PTPRT: variants seen among roughly 807,000 people sequenced by gnomAD.
PTPRT encodes the protein receptor-type tyrosine-protein phosphatase T.
Under a neutral mutation model 176.8 loss-of-function variants are expected in PTPRT, and 56 were observed. That is an observed-to-expected ratio of 0.32 (90% CI 0.26 to 0.40). PTPRT has a LOEUF of 0.40. PTPRT is among the 10% of genes least tolerant of loss of function. The pLI, the probability that PTPRT is intolerant of heterozygous loss-of-function variation, is 1.00. For missense variants in PTPRT, 1,540 were observed against 1,908.2 expected, an observed-to-expected ratio of 0.81 and a Z score of 3.60; for synonymous variants, 783 against 739.0, an observed-to-expected ratio of 1.06 and a Z score of -0.96.
chr20:42,351,602 T>A (rs1307112158), intron 10 of PTPRT, among the ~76,000 whole-genome samples: 1 of 152,240 alleles, frequency 6.6e-6, no homozygotes, highest in Non-Finnish European at 1.5e-5. Flanking sequence ...GAAATAATTC[T>A]GCATTGTTGC....
At chr20:42,857,658 T>G (rs1568639302) in intron 2 of PTPRT, among the ~76,000 whole-genome samples, 3 of 152,178 alleles carry the variant, frequency 2.0e-5, no homozygotes, top group African/African-American at 7.2e-5. Context: ...CTGTGTCTCC[T>G]CTCAGCTGGG....
chr20:42,841,031 T>C (rs1266125867), intron 2 of PTPRT, among the ~76,000 whole-genome samples: 1 of 152,182 alleles, frequency 6.6e-6, no homozygotes, highest in Non-Finnish European at 1.5e-5. Flanking sequence ...GCAAGGCTAC[T>C]GACAGCCTGC....
At chr20:42,978,365 A>G (rs1983078324) in intron 1 of PTPRT, among the ~76,000 whole-genome samples, 2 of 152,252 alleles carry the variant, frequency 1.3e-5, no homozygotes, top group Admixed American at 6.5e-5. Flanking sequence ...CTGAAACCAC[A>G]GAAAGCAAAA....
intron 6 of PTPRT, among the ~76,000 whole-genome samples, chr20:42,693,859 C>A (rs952043483): frequency 3.3e-5 from 5 of 152,070 alleles, no homozygotes; most frequent in African/African-American, 1.2e-4. Context: ...TTTAGAACCA[C>A]AACCACCTCC....
chr20:42,806,801 C>T (rs1265029846), intron 2 of PTPRT, among the ~76,000 whole-genome samples: 1 of 152,196 alleles, frequency 6.6e-6, no homozygotes, highest in East Asian at 1.9e-4. Flanking sequence ...TAGTACCAGG[C>T]AAATACTAAA....
rs1555828981 is a variant in PTPRT, at chr20:43,083,347, T to TATATATATACAC, written c.88+106298_88+106299insGTGTATATATAT. Reference sequence around the variant, plus strand: ...ATATATATATATATATATATATATATATATATATATATATATATATATACA... The same window carrying TATATATATACAC: ...ATATATATATATATATATATATATATATATATATACACATATATATATATATATATATATACA... On this transcript the variant is annotated intron_variant, in intron 1 of 30. Transcript: ENST00000373187. Among the ~76,000 whole-genome samples the TATATATATACAC allele has an allele frequency of 2.3e-3, 224 of 97,782 alleles. 10 individuals are homozygous for TATATATATACAC. The highest frequency in any genetic ancestry group is 3.0e-3 in the Non-Finnish European group (140 of 47,038). 64.1% of individuals were successfully genotyped at this position (97,782 alleles called of 152,430 possible).
chr20:42,150,833 T>C (rs1326949428), intron 17 of PTPRT, among the ~76,000 whole-genome samples: 1 of 152,238 alleles, frequency 6.6e-6, no homozygotes, highest in East Asian at 1.9e-4. Context: ...CCTGATTGTG[T>C]TGGTGTTTAA....
the PTPRT span, among the ~76,000 whole-genome samples, chr20:42,041,837 A>G: frequency 1.3e-5 from 2 of 152,226 alleles, no homozygotes; most frequent in Non-Finnish European, 2.9e-5. Context: ...TATTGCTACT[A>G]CATTTATTGT....
intron 6 of PTPRT, among the ~76,000 whole-genome samples, chr20:42,685,032 T>C (rs1233711909): frequency 6.6e-6 from 1 of 152,114 alleles, no homozygotes; most frequent in Non-Finnish European, 1.5e-5. Context: ...AGTTAGTCAT[T>C]CAAAATCCAG....
chr20:43,019,476 G>A (rs548103523), intron 1 of PTPRT, among the ~76,000 whole-genome samples: 1 of 152,000 alleles, frequency 6.6e-6, no homozygotes, highest in South Asian at 2.1e-4. Flanking sequence ...AAAATTAGCT[G>A]GGTGTGGTGG....
At chr20:42,625,114 A>G (rs1157117610) in intron 7 of PTPRT, among the ~76,000 whole-genome samples, 1 of 152,188 alleles carries the variant, frequency 6.6e-6, no homozygotes, top group Non-Finnish European at 1.5e-5. Context: ...CTGCAGAATC[A>G]GTGGTCTGCA....
chr20:42,107,502 T>C (rs1005544999), intron 23 of PTPRT, among the ~76,000 whole-genome samples: 6 of 152,228 alleles, frequency 3.9e-5, no homozygotes, highest in African/African-American at 1.4e-4. Context: ...ACTTACTTGA[T>C]TTCTGGTCAC....
chr20:42,769,676 AG>A (rs1367770610), intron 5 of PTPRT, among the ~76,000 whole-genome samples: 1 of 152,246 alleles, frequency 6.6e-6, no homozygotes, highest in Non-Finnish European at 1.5e-5. Context: ...TCACACATGC[AG>A]GCTCCCAGCA....
chr20:42,100,274 G>A (rs1481228893), intron 26 of PTPRT, among the ~76,000 whole-genome samples: 4 of 152,184 alleles, frequency 2.6e-5, no homozygotes, highest in African/African-American at 9.7e-5. Flanking sequence ...TGCTCCTGCC[G>A]GGTTTCAGGG....
At chr20:42,236,503 C>A (rs569373589) in intron 14 of PTPRT, among the ~76,000 whole-genome samples, 1 of 151,820 alleles carries the variant, frequency 6.6e-6, no homozygotes, top group Non-Finnish European at 1.5e-5. Flanking sequence ...CATGGTCTCA[C>A]ATAGAGTAAG....
chr20:42,568,924 C>T lies in PTPRT; in HGVS notation c.1154-96362G>A, dbSNP rs189681400. Among the ~76,000 whole-genome samples the T allele has an allele frequency of 5.3e-5, 8 of 150,690 alleles. No individual in the cohort carries two copies. The East Asian group carries it at 1.4e-3, about 26-fold the overall frequency. ...ACTCCCCAGGAGTGATAGCAGATGTCTGTAGTCCCAGCTACTTGGGAAGCT... is the reference window on the plus strand; with the variant it reads ...ACTCCCCAGGAGTGATAGCAGATGTTTGTAGTCCCAGCTACTTGGGAAGCT... On this transcript the variant is annotated intron_variant, in intron 7 of 30. Transcript: ENST00000373187.
intron 7 of PTPRT, among the ~76,000 whole-genome samples, chr20:42,492,663 T>C (rs911765568): frequency 6.6e-6 from 1 of 152,178 alleles, no homozygotes; most frequent in South Asian, 2.1e-4. Context: ...TTTAGTAACA[T>C]GTTATTTAGT....
chr20:42,535,146 C>CA (rs938084041), intron 7 of PTPRT, among the ~76,000 whole-genome samples: 4 of 151,684 alleles, frequency 2.6e-5, no homozygotes, highest in Admixed American at 6.6e-5. Context: ...TGCAGACACA[C>CA]AAAAAAAATG....
At chr20:42,458,071 C>G (rs2070954502) in intron 8 of PTPRT, among the ~76,000 whole-genome samples, 3 of 152,182 alleles carry the variant, frequency 2.0e-5, no homozygotes, top group Non-Finnish European at 4.4e-5. Context: ...CTCCAATTCC[C>G]TAAGGGGTTT....
Sources: gnomAD v4.1 joint callset for allele counts (sites outside exome capture counted in the v4.1 genomes callset) on GRCh38, gnomAD v4.1.1 for gene constraint, MANE v1.5 for transcripts, NCBI Gene and HGNC (gene_info 2026-07-23, HGNC 2026-07-21) for gene names.